Variants in SPTLC2 observed in about 807,000 individuals in gnomAD.
The protein encoded by SPTLC2 is serine palmitoyltransferase 2.
In SPTLC2, 21 loss-of-function variants were observed where a neutral mutation model predicts 62.0. The ratio of observed to expected loss-of-function variants is 0.34; its 90% confidence interval spans 0.24 to 0.49. The LOEUF is 0.49. Ranked by LOEUF, SPTLC2 falls within the 20% of genes least tolerant of loss-of-function variation. The pLI is 0.99. For missense variants in SPTLC2, 511 were observed against 713.0 expected (o/e 0.72, Z 3.23); for synonymous variants, 261 against 261.8 (o/e 1.00, Z 0.03).
Position 77,616,433 on chromosome 14 carries a change from G to T in SPTLC2, c.132+15C>A. On this transcript the variant is annotated intron_variant, in intron 1 of 11. Coordinates refer to ENST00000216484, the MANE Select transcript of SPTLC2 (RefSeq NM_004863.4). Reference sequence around the variant, plus strand: ...CACACCGCCACCCCGGCCCCGCCGCGCGGGCCCCTCGTACCTGGCCGGCGG... The same window carrying T: ...CACACCGCCACCCCGGCCCCGCCGCTCGGGCCCCTCGTACCTGGCCGGCGG... The T allele has an allele frequency of 7.0e-7, 1 of 1,423,424 alleles. No individual in the cohort carries two copies. Among genetic ancestry groups the T allele is most frequent in the South Asian group, 1.4e-5 (1 of 71,376 alleles). 88.2% of individuals were successfully genotyped at this position (1,423,424 alleles called of 1,614,324 possible). A position where few individuals can be genotyped will look rare whatever the true frequency, so the allele number is the denominator to read the frequency against.
At chr14:77,541,454 C>T (rs2079500085) in intron 9 of SPTLC2, among the ~76,000 whole-genome samples, 1 of 152,110 alleles carries the variant, frequency 6.6e-6, no homozygotes, top group Non-Finnish European at 1.5e-5. Context: ...ATTTAAATTA[C>T]TATTTTGAAC....
chr14:77,596,589 C>A (rs1361089401), intron 2 of SPTLC2, among the ~76,000 whole-genome samples: 2 of 151,358 alleles, frequency 1.3e-5, no homozygotes. Flanking sequence ...AATGAAGAAG[C>A]CCTCTTCCCC....
chr14:77,572,188 G>C (rs1240470274), intron 4 of SPTLC2, among the ~76,000 whole-genome samples: 1 of 152,226 alleles, frequency 6.6e-6, no homozygotes, highest in Non-Finnish European at 1.5e-5. Flanking sequence ...AGATCACAAG[G>C]CTTGTCATTT....
At chr14:77,512,883 T>A (rs1197247663) in intron 11 of SPTLC2, among the ~76,000 whole-genome samples, 1 of 152,004 alleles carries the variant, frequency 6.6e-6, no homozygotes, top group African/African-American at 2.4e-5. Flanking sequence ...GCTCAGCTAA[T>A]TTTTGTATTT....
At chr14:77,521,904 T>C (rs1202697936) in intron 9 of SPTLC2, among the ~76,000 whole-genome samples, 1 of 152,198 alleles carries the variant, frequency 6.6e-6, no homozygotes, top group Non-Finnish European at 1.5e-5. Flanking sequence ...AGGATATTTA[T>C]GATTATCTTC....
chr14:77,613,330 T>TA (rs1251985770), intron 1 of SPTLC2, among the ~76,000 whole-genome samples: 2 of 152,204 alleles, frequency 1.3e-5, no homozygotes, highest in Admixed American at 1.3e-4. Context: ...AATGCTAATG[T>TA]AAAAGTTTCC....
intron 5 of SPTLC2, among the ~76,000 whole-genome samples, chr14:77,564,277 A>C: frequency 7.3e-6 from 1 of 137,202 alleles, no homozygotes; most frequent in South Asian, 2.6e-4. Context: ...AAGAGGAGGA[A>C]GAGGAGGAAA....
chr14:77,550,896 T>A (rs1350981126), intron 9 of SPTLC2, among the ~76,000 whole-genome samples: 6 of 135,210 alleles, frequency 4.4e-5, no homozygotes, highest in African/African-American at 1.7e-4. Flanking sequence ...AGAGCAAGAC[T>A]CTGTCTCAAA....
At chr14:77,527,438 CTG>C (rs1484208049) in intron 9 of SPTLC2, among the ~76,000 whole-genome samples, 8 of 152,148 alleles carry the variant, frequency 5.3e-5, no homozygotes, top group Admixed American at 4.6e-4. Context: ...TATCTACCTA[CTG>C]ATAACCACTA....
At chr14:77,536,865 T>C (rs2079473642) in intron 9 of SPTLC2, among the ~76,000 whole-genome samples, 1 of 152,030 alleles carries the variant, frequency 6.6e-6, no homozygotes, top group South Asian at 2.1e-4. Context: ...ATACAAGCAA[T>C]TTGTAAATTT....
intron 2 of SPTLC2, among the ~76,000 whole-genome samples, chr14:77,583,417 G>A (rs537591769): frequency 5.3e-5 from 8 of 151,902 alleles, no homozygotes; most frequent in African/African-American, 1.9e-4. Flanking sequence ...AAACTAGGGG[G>A]GTAATCTTTT....
intron 1 of SPTLC2, among the ~76,000 whole-genome samples, chr14:77,605,476 G>A (rs569888288): frequency 6.6e-6 from 1 of 152,282 alleles, no homozygotes; most frequent in South Asian, 2.1e-4. Flanking sequence ...AAAGATTGAA[G>A]AGCTGTCTTC....
chr14:77,555,095 C>T (rs2079575477), intron 8 of SPTLC2, among the ~76,000 whole-genome samples: 1 of 152,116 alleles, frequency 6.6e-6, no homozygotes, highest in Non-Finnish European at 1.5e-5. Context: ...TAGAAAGAAG[C>T]TCAAATAAGA....
At chr14:77,560,221 T>C (rs1286517060) in intron 6 of SPTLC2, among the ~76,000 whole-genome samples, 1 of 152,194 alleles carries the variant, frequency 6.6e-6, no homozygotes, top group African/African-American at 2.4e-5. Flanking sequence ...AGCATGTGTA[T>C]GTTCATTGTA....
chr14:77,576,675 A>G, intron 4 of SPTLC2, 92 bp downstream of exon 4: 2 of 1,545,642 alleles, frequency 1.3e-6, no homozygotes, highest in Admixed American at 1.7e-5. Flanking sequence ...CAAAGTGTAG[A>G]TATTTAATAC....
Position 77,521,599 on chromosome 14 carries a change from G to A in SPTLC2, c.1304-18C>T, listed in dbSNP as rs1238053432. 2 of 1,612,404 alleles carry A rather than the reference G, an allele frequency of 1.2e-6. No individual in the cohort carries two copies. Among genetic ancestry groups the A allele is most frequent in the South Asian group, 1.1e-5 (1 of 91,050 alleles). ...CTCTTTACCTGGAAAGTCACGGTGAGAGAAAACAAAATAATCCTAAGTAAA... is the reference window on the plus strand; with the variant it reads ...CTCTTTACCTGGAAAGTCACGGTGAAAGAAAACAAAATAATCCTAAGTAAA... On this transcript the variant is annotated intron_variant, in intron 9 of 11. Coordinates refer to ENST00000216484, the MANE Select transcript of SPTLC2 (RefSeq NM_004863.4).
chr14:77,574,002 G>A (rs2079699522), intron 4 of SPTLC2, among the ~76,000 whole-genome samples: 1 of 152,204 alleles, frequency 6.6e-6, no homozygotes, highest in Admixed American at 6.5e-5. Flanking sequence ...GCCAGGGAAC[G>A]TCATGGATTG....
chr14:77,549,780 A>T (rs1182717701), intron 9 of SPTLC2, among the ~76,000 whole-genome samples: 1 of 152,118 alleles, frequency 6.6e-6, no homozygotes, highest in Admixed American at 6.5e-5. Context: ...TATAATTACC[A>T]TGTTTCATTT....
At chr14:77,520,371 T>A (rs1277850033) in intron 10 of SPTLC2, among the ~76,000 whole-genome samples, 1 of 152,238 alleles carries the variant, frequency 6.6e-6, no homozygotes, top group African/African-American at 2.4e-5. Context: ...ACTTCCAGGT[T>A]CCCTGATTTA....
Sources: gnomAD v4.1 joint callset for allele counts (sites outside exome capture counted in the v4.1 genomes callset) on GRCh38, gnomAD v4.1.1 for gene constraint, MANE v1.5 for transcripts, NCBI Gene and HGNC (gene_info 2026-07-23, HGNC 2026-07-21) for gene names.